The following SYPL1 variants were observed in gnomAD, a reference collection of about 807,000 sequenced individuals.
SYPL1 encodes synaptophysin-like protein 1.
A neutral mutation model predicts 23.7 loss-of-function variants in SYPL1; 6 were observed. The ratio of observed to expected loss-of-function variants is 0.25; its 90% CI spans 0.14 to 0.50. The LOEUF is 0.50. Ranked by LOEUF, SYPL1 falls within the 20% of genes least tolerant of loss-of-function variation. SYPL1 has a pLI of 0.98. For synonymous variants in SYPL1, 102 were observed against 104.5 expected, an observed-to-expected ratio of 0.98 and a Z score of 0.15; for missense variants, 253 against 288.9, an observed-to-expected ratio of 0.88 and a Z score of 0.90.
intron 1 of SYPL1, among the ~76,000 whole-genome samples, chr7:106,099,736 T>G (rs900037026): frequency 6.6e-6 from 1 of 152,156 alleles, no homozygotes; most frequent in Admixed American, 6.5e-5. Context: ...CTCTGTTGTA[T>G]AGACTCAAGT....
Position 106,109,085 on chromosome 7 carries a change from C to A in SYPL1, c.69+3055G>T, listed in dbSNP as rs1790014118. On this transcript the variant is annotated intron_variant, in intron 1 of 4. Transcript: ENST00000455385. The surrounding 1 kb of genome is among the most constrained non-coding windows in gnomAD (Gnocchi z 4.3). ...CCCCACCAGTTTTACTTAAGAATGTCTGATGAAGCAGTAAAAATTTTATTA... is the reference window on the plus strand; with the variant it reads ...CCCCACCAGTTTTACTTAAGAATGTATGATGAAGCAGTAAAAATTTTATTA... Among the ~76,000 whole-genome samples the A allele has an allele frequency of 6.6e-6, 1 of 152,208 alleles. No individual in the cohort carries two copies. Among genetic ancestry groups the A allele is most frequent in the South Asian group, 2.1e-4 (1 of 4,826 alleles).
chr7:106,111,970 C>G, intron 1 of SYPL1, 170 bp downstream of exon 1: 3 of 853,004 alleles, frequency 3.5e-6, no homozygotes, highest in Non-Finnish European at 3.0e-6. Flanking sequence ...CCGCCCCGCG[C>G]GGCCCAGGCC....
At chr7:106,098,156 GC>G (rs1467768083) in intron 2 of SYPL1, among the ~76,000 whole-genome samples, 1 of 152,134 alleles carries the variant, frequency 6.6e-6, no homozygotes, top group Admixed American at 6.5e-5. Context: ...CTATCTTCCT[GC>G]AGTAAACAAT....
chr7:106,092,679 A>AC, intron 4 of SYPL1: 1 of 486,220 alleles, frequency 2.1e-6, no homozygotes, highest in Non-Finnish European at 3.8e-6. Context: ...TCTCAAAAAA[A>AC]AAAAAAAAAA....
intron 1 of SYPL1, among the ~76,000 whole-genome samples, 164 bp from the exon 2 acceptor site, chr7:106,099,446 C>A (rs1044534402): frequency 9.2e-5 from 14 of 152,150 alleles, no homozygotes; most frequent in Admixed American, 7.2e-4. Context: ...GACTGGAGTA[C>A]ACTGGCACGA....
rs1380010213 is a variant in SYPL1 at position 106,090,828 on chromosome 7, T to A, written c.*977A>T. On this transcript the variant is annotated 3_prime_UTR_variant, in exon 5 of 5. Coordinates refer to ENST00000455385, the MANE Select transcript of SYPL1 (RefSeq NM_182715.4). ...AAACAAGAATGAATATTAAGAAACA[T>A]GAAATCCAAATTGCACTTATTTTCA... 10 of 152,252 alleles carry A rather than the reference T, an allele frequency of 6.6e-5. No homozygotes were observed. Among genetic ancestry groups the A allele is most frequent in the Non-Finnish European group, 1.5e-4 (10 of 68,032 alleles). The allele number at this position is 152,252 out of a possible 1,614,324, so 9.4% of individuals were successfully genotyped here.
rs1011739776 is a variant in SYPL1 at position 106,091,571 on chromosome 7, T to A, written c.*234A>T. On this transcript the variant is annotated 3_prime_UTR_variant, in exon 5 of 5. Transcript: ENST00000455385. This position sits in a 1 kb window ranked among gnomAD's most constrained non-coding sequence, Gnocchi z 5.0. ...AAAAAAATTATGGTTCATTTAAAAA[T>A]GTGTATCATTTCATAATAGACCCCT... 5 of 377,492 alleles carry A rather than the reference T, an allele frequency of 1.3e-5. No individual in the cohort carries two copies. The highest frequency in any genetic ancestry group is 1.9e-5 in the Non-Finnish European group (4 of 214,626). The allele number at this position is 377,492 out of a possible 1,614,324, so 23.4% of individuals were successfully genotyped here. A position where few individuals can be genotyped will look rare whatever the true frequency, so the allele number is the denominator to read the frequency against.
intron 1 of SYPL1, among the ~76,000 whole-genome samples, chr7:106,108,625 C>CTA (rs1012492807): frequency 1.3e-5 from 2 of 152,130 alleles, no homozygotes; most frequent in South Asian, 2.1e-4. Context: ...TCTTGAGAGG[C>CTA]TATATATATC....
chr7:106,094,651 T>C (rs1218645301), intron 3 of SYPL1, among the ~76,000 whole-genome samples: 1 of 152,204 alleles, frequency 6.6e-6, no homozygotes, highest in African/African-American at 2.4e-5. Context: ...TACAGTGTTT[T>C]TTGGAAAACT....
chr7:106,097,940 G>A lies in SYPL1; in HGVS notation c.195-43C>T. 1 of 1,516,630 alleles carries A rather than the reference G, an allele frequency of 6.6e-7. No individual in the cohort carries two copies. Among genetic ancestry groups the A allele is most frequent in the Non-Finnish European group, 9.0e-7 (1 of 1,108,128 alleles). 93.9% of individuals were successfully genotyped at this position (1,516,630 alleles called of 1,614,324 possible). A position where few individuals can be genotyped will look rare whatever the true frequency, so the allele number is the denominator to read the frequency against. On this transcript the variant is annotated intron_variant, in intron 2 of 4. Coordinates refer to ENST00000455385, the MANE Select transcript of SYPL1 (RefSeq NM_182715.4). This position sits in a 1 kb window ranked among gnomAD's most constrained non-coding sequence, Gnocchi z 4.6. Reference sequence around the variant, plus strand: ...TGAATTATTGGACTTTCCCAACAGAGACAGAAACATTTAAGCAAAACAATG... The same window carrying A: ...TGAATTATTGGACTTTCCCAACAGAAACAGAAACATTTAAGCAAAACAATG...
chr7:106,095,377 T>C lies in SYPL1; in HGVS notation c.403-2240A>G, dbSNP rs1415790072. On this transcript the variant is annotated intron_variant, in intron 3 of 4. Transcript: ENST00000455385. This position sits in a 1 kb window ranked among gnomAD's most constrained non-coding sequence, Gnocchi z 4.3. ...TTTTTTTTTTTCCCCTGAGATGGAG[T>C]CTTGCTCTGTCACCTAGGCTGGAAT... Among the ~76,000 whole-genome samples the C allele has an allele frequency of 1.3e-5, 2 of 150,872 alleles. No homozygotes were observed. The highest frequency in any genetic ancestry group is 2.9e-5 in the Non-Finnish European group (2 of 67,818).
In SYPL1 at chr7:106,095,067, A is replaced by T. The variant is rs1031590359; in HGVS notation, c.403-1930T>A. Among the ~76,000 whole-genome samples the T allele has an allele frequency of 2.6e-5, 4 of 152,112 alleles. No individual in the cohort carries two copies. Among genetic ancestry groups the T allele is most frequent in the African/African-American group, 9.7e-5 (4 of 41,412 alleles). On this transcript the variant is annotated intron_variant, in intron 3 of 4. Coordinates refer to ENST00000455385, the MANE Select transcript of SYPL1 (RefSeq NM_182715.4). This position sits in a 1 kb window ranked among gnomAD's most constrained non-coding sequence, Gnocchi z 4.3. ...CACAATATGAGTCATAGATTTTTAG[A>T]ATTTGGGATACCCTAATTTTGTTTG...
At chr7:106,106,906 A>C (rs1585943358) in intron 1 of SYPL1, among the ~76,000 whole-genome samples, 1 of 152,218 alleles carries the variant, frequency 6.6e-6, no homozygotes, top group Admixed American at 6.5e-5. Context: ...TTGCTAGACC[A>C]TGCTAATTCT....
intron 1 of SYPL1, among the ~76,000 whole-genome samples, chr7:106,107,189 T>C (rs965497765): frequency 6.6e-6 from 1 of 152,258 alleles, no homozygotes; most frequent in African/African-American, 2.4e-5. Context: ...TGAAATATTA[T>C]AGCACGTTTG....
At chr7:106,112,568 C>T (rs1258850298), upstream of SYPL1, 1 of 1,489,394 alleles carries the variant, frequency 6.7e-7, no homozygotes. Flanking sequence ...GGTTCAGCCC[C>T]TGGCACTCGG....
chr7:106,091,651 G>T lies in SYPL1; in HGVS notation c.*154C>A. ...TTTACATCTTAACTTTCTAGGAAAGGCACAGGCTTTATGTAAAAAAGCAGC... is the reference window on the plus strand; with the variant it reads ...TTTACATCTTAACTTTCTAGGAAAGTCACAGGCTTTATGTAAAAAAGCAGC... On this transcript the variant is annotated 3_prime_UTR_variant, in exon 5 of 5. Coordinates refer to ENST00000455385, the MANE Select transcript of SYPL1 (RefSeq NM_182715.4). This position sits in a 1 kb window ranked among gnomAD's most constrained non-coding sequence, Gnocchi z 5.0. The T allele has an allele frequency of 2.8e-6, 2 of 703,290 alleles. No individual in the cohort carries two copies. The highest frequency in any genetic ancestry group is 4.2e-6 in the Non-Finnish European group (2 of 473,700). 43.6% of individuals were successfully genotyped at this position (703,290 alleles called of 1,614,324 possible). A position where few individuals can be genotyped will look rare whatever the true frequency, so the allele number is the denominator to read the frequency against.
At position 106,101,255 on chromosome 7, in the gene SYPL1, G is replaced by A. The variant is rs1265316373; in HGVS notation, c.70-1973C>T. 3.3e-5 allele frequency among the ~76,000 whole-genome samples: 5 copies of A among 152,136 alleles called. No individual in the cohort carries two copies. The South Asian group carries it at 8.3e-4, about 25-fold the overall frequency. Reference sequence around the variant, plus strand: ...GAAACTTGAAGAGGTCAGGGGCTTCGTTTTGTTCAAGGTCACACACACTCA... The same window carrying A: ...GAAACTTGAAGAGGTCAGGGGCTTCATTTTGTTCAAGGTCACACACACTCA... On this transcript the variant is annotated intron_variant, in intron 1 of 4. Transcript: ENST00000455385.
chr7:106,110,355 C>G (rs2116220851), intron 1 of SYPL1, among the ~76,000 whole-genome samples: 1 of 152,352 alleles, frequency 6.6e-6, no homozygotes, highest in South Asian at 2.1e-4. Flanking sequence ...TTCAAGTGTT[C>G]TCTCAGCTAT....
chr7:106,101,531 C>T (rs1840321686), intron 1 of SYPL1, among the ~76,000 whole-genome samples: 1 of 137,754 alleles, frequency 7.3e-6, no homozygotes, highest in African/African-American at 2.7e-5. Context: ...ATGTCCAGCA[C>T]ATAGTTTGGG....
Sources: allele counts gnomAD v4.1 joint callset (sites outside exome capture counted in the v4.1 genomes callset), GRCh38; gene constraint gnomAD v4.1.1; non-coding constraint Gnocchi (gnomAD v3.1); transcripts MANE v1.5; gene names NCBI Gene and HGNC (gene_info 2026-07-23, HGNC 2026-07-21).